The following ERMARD variants were observed in gnomAD, a reference collection of about 807,000 sequenced individuals.
ERMARD encodes ER membrane associated RNA degradation.
Under a neutral mutation model 83.9 loss-of-function variants are expected in ERMARD, and 71 were observed. The ratio of observed to expected loss-of-function variants is 0.85; its 90% CI spans 0.70 to 1.03. ERMARD has a LOEUF of 1.03. Among genes scored for constraint, ERMARD ranks in the 50% least tolerant of loss-of-function variants. ERMARD has a pLI of 0.00. For missense variants in ERMARD, 838 were observed against 810.9 expected (o/e 1.03, Z -0.41); for synonymous variants, 284 against 298.6 (o/e 0.95, Z 0.50).
chr6:169,758,322 G>A (rs776550572), intron 5 of ERMARD, among the ~76,000 whole-genome samples: 53 of 152,120 alleles, frequency 3.5e-4, no homozygotes, highest in East Asian at 3.9e-4. Flanking sequence ...TAAGTATGGC[G>A]CCTCAAACCC....
At chr6:169,760,934 A>G (rs1035134028) in intron 8 of ERMARD, among the ~76,000 whole-genome samples, 178 bp downstream of exon 8, 3 of 152,192 alleles carry the variant, frequency 2.0e-5, no homozygotes, top group Admixed American at 6.5e-5. Flanking sequence ...GCCTGTGATT[A>G]TATTGGAAAC....
At position 169,776,003 on chromosome 6, in the gene ERMARD, G is replaced by T. The variant is rs763728033; in HGVS notation, c.1458G>T (p.Leu486=). 4 of 1,614,236 alleles carry T rather than the reference G, an allele frequency of 2.5e-6. No individual in the cohort carries two copies. In the South Asian group the frequency reaches 4.4e-5, roughly 18 times the overall value. ...HSLITKMTDE[L]YHHMPENRCV... is the part of the protein sequence containing the mutation. Reference sequence around the variant, plus strand: ...TGATTACAAAAATGACGGATGAGCTGTATCACCATATGCCTGAGAATCGTT... The same window carrying T: ...TGATTACAAAAATGACGGATGAGCTTTATCACCATATGCCTGAGAATCGTT... Residue 486 remains leucine, a synonymous_variant, in exon 15 of 18, where the codon CTG becomes CTT. Transcript: ENST00000366773.
At position 169,756,821 on chromosome 6, in the gene ERMARD, A is replaced by C; in HGVS notation, c.507+13A>C. On this transcript the variant is annotated intron_variant, in intron 5 of 17. Transcript: ENST00000366773. Reference sequence around the variant, plus strand: ...CAGTCAGTCTGTGGTAAGCTTGTTCATCTAAACTCATGGAGTATATTAGTC... The same window carrying C: ...CAGTCAGTCTGTGGTAAGCTTGTTCCTCTAAACTCATGGAGTATATTAGTC... 1 of 1,610,830 alleles carries C rather than the reference A, an allele frequency of 6.2e-7. No individual in the cohort carries two copies. The highest frequency in any genetic ancestry group is 8.5e-7 in the Non-Finnish European group (1 of 1,177,354).
intron 8 of ERMARD, among the ~76,000 whole-genome samples, chr6:169,761,193 C>T (rs1187171906): frequency 3.3e-5 from 5 of 152,110 alleles, no homozygotes; most frequent in Admixed American, 3.3e-4. Flanking sequence ...CCTTGAGAAC[C>T]CACTGAAATC....
chr6:169,755,191 T>A, intron 2 of ERMARD, 92 bp from the exon 3 acceptor site: 8 of 1,447,666 alleles, frequency 5.5e-6, no homozygotes, highest in Non-Finnish European at 7.5e-6. Context: ...GGAAATTTTA[T>A]AATTAAAGCA....
rs760283844 is a variant in ERMARD at position 169,759,022 on chromosome 6, G to A, written c.562G>A (p.Val188Ile). The change falls in exon 6 of 18, where the codon GTC becomes ATC. Residue 188 changes from valine to isoleucine, a missense_variant. Val to Ile is a conservative substitution (Grantham distance 29). Transcript: ENST00000366773. The part of the protein sequence containing the change: ...GSPCGLNLRN[V>I]LWHGFASPEE... ...TCCGTGTGGTCTCAACCTGCGTAAC[G>A]TCTTATGGCATGGGTTTGCGTCACC... 35 of 1,613,886 alleles carry A rather than the reference G, an allele frequency of 2.2e-5. No homozygotes were observed. The East Asian group carries it at 5.1e-4, about 24-fold the overall frequency.
At chr6:169,757,092 A>T (rs1301590274) in intron 5 of ERMARD, among the ~76,000 whole-genome samples, 1 of 152,204 alleles carries the variant, frequency 6.6e-6, no homozygotes, top group Non-Finnish European at 1.5e-5. Context: ...GGTCCCCATG[A>T]TTCAGCTGTC....
intron 3 of ERMARD, 101 bp downstream of exon 3, chr6:169,755,523 C>T: frequency 2.1e-6 from 3 of 1,456,394 alleles, no homozygotes; most frequent in Non-Finnish European, 2.8e-6. Flanking sequence ...CATCCCCAGG[C>T]CCTCCAGCGG....
intron 5 of ERMARD, among the ~76,000 whole-genome samples, chr6:169,758,333 A>C (rs1376954359): frequency 6.6e-6 from 1 of 152,210 alleles, no homozygotes; most frequent in Non-Finnish European, 1.5e-5. Flanking sequence ...CCTCAAACCC[A>C]AAGCAGTTCT....
chr6:169,753,676 C>T (rs996082863), intron 1 of ERMARD, among the ~76,000 whole-genome samples, 188 bp from the exon 2 acceptor site: 24 of 151,860 alleles, frequency 1.6e-4, no homozygotes, highest in African/African-American at 5.6e-4. Flanking sequence ...TATTTGAGAA[C>T]ATTTATGTAA....
chr6:169,753,526 G>T lies in ERMARD; in HGVS notation c.7-338G>T, dbSNP rs113429136. 3.9e-4 allele frequency among the ~76,000 whole-genome samples: 59 copies of T among 151,518 alleles called. 2 individuals carry two copies. Among genetic ancestry groups the T allele is most frequent in the Middle Eastern group, 3.4e-3 (1 of 292 alleles). ...GTCGTAAAACACATTCAGCTTCCGT[G>T]AACTTGTATTTTTTCTTTTTTTTTT... is the stretch of plus-strand genomic sequence containing the variant. On this transcript the variant is annotated intron_variant, in intron 1 of 17. Coordinates refer to ENST00000366773, the MANE Select transcript of ERMARD (RefSeq NM_018341.3).
At position 169,779,300 on chromosome 6, in the gene ERMARD, G is replaced by C. The variant is rs1343466023; in HGVS notation, c.1853+5G>C. 1 of 1,611,802 alleles carries C rather than the reference G, an allele frequency of 6.2e-7. No homozygotes were observed. The highest frequency in any genetic ancestry group is 1.1e-5 in the South Asian group (1 of 91,046). On this transcript the variant is annotated splice_donor_5th_base_variant and intron_variant, in intron 17 of 17. Transcript: ENST00000366773. ...TGAGTATCAGCAGTACCTAAAGTAA[G>C]TGTGTCACAGTATGTCTGCAGTCAC...
At chr6:169,751,898 C>T (rs1790153460) in intron 1 of ERMARD, 1 of 548,144 alleles carries the variant, frequency 1.8e-6, no homozygotes, top group South Asian at 3.5e-5. Flanking sequence ...GGCTCGGTTT[C>T]TCCGTCGCCT....
chr6:169,753,356 C>A (rs955639132), intron 1 of ERMARD: 4 of 154,286 alleles, frequency 2.6e-5, no homozygotes, highest in Middle Eastern at 5.1e-4. Flanking sequence ...TCTTCAACAC[C>A]GTTTAGGTAG....
At chr6:169,769,364 C>G (rs1333634917) in intron 11 of ERMARD, among the ~76,000 whole-genome samples, 176 bp from the exon 12 acceptor site, 1 of 152,214 alleles carries the variant, frequency 6.6e-6, no homozygotes, top group Non-Finnish European at 1.5e-5. Context: ...TCCCCACAGC[C>G]TCTCTGGCTC....
At chr6:169,769,835 C>A in intron 12 of ERMARD, 122 bp downstream of exon 12, 1 of 890,548 alleles carries the variant, frequency 1.1e-6, no homozygotes, top group Non-Finnish European at 1.6e-6. Flanking sequence ...ACAGTATCCT[C>A]CATCAGAAAA....
chr6:169,773,769 C>G (rs936073558), intron 13 of ERMARD, among the ~76,000 whole-genome samples: 7 of 152,184 alleles, frequency 4.6e-5, no homozygotes, highest in Admixed American at 1.3e-4. Context: ...AGTTTTTCTT[C>G]TACACGGACT....
At position 169,780,903 on chromosome 6, in the gene ERMARD, C is replaced by T. The variant is rs7749383; in HGVS notation, c.1854-427C>T. On this transcript the variant is annotated intron_variant, in intron 17 of 17. Coordinates refer to ENST00000366773, the MANE Select transcript of ERMARD (RefSeq NM_018341.3). ...AATCTCATTGCGAAACCCACATGTTCAGGGGGCCAATTTTTCACGCTTGAC... is the reference window on the plus strand; with the variant it reads ...AATCTCATTGCGAAACCCACATGTTTAGGGGGCCAATTTTTCACGCTTGAC... 5.8e-3 allele frequency among the ~76,000 whole-genome samples: 887 copies of T among 152,234 alleles called. 11 individuals carry two copies. The highest frequency in any genetic ancestry group is 0.02 in the African/African-American group (835 of 41,552).
At chr6:169,763,904 A>G (rs983700390) in intron 9 of ERMARD, among the ~76,000 whole-genome samples, 3 of 152,250 alleles carry the variant, frequency 2.0e-5, no homozygotes, top group Non-Finnish European at 1.5e-5. Context: ...TGATCTCTGC[A>G]GTTAGACCTG....
Sources: allele counts gnomAD v4.1 joint callset (sites outside exome capture counted in the v4.1 genomes callset), GRCh38; gene constraint gnomAD v4.1.1; transcripts MANE v1.5; gene names NCBI Gene and HGNC (gene_info 2026-07-23, HGNC 2026-07-21).